BCL9: variants seen among roughly 807,000 people sequenced by gnomAD.
BCL9 encodes the protein B-cell CLL/lymphoma 9 protein.
In BCL9, 25 loss-of-function variants were observed where a neutral mutation model predicts 88.5. The ratio of observed to expected loss-of-function variants is 0.28; its 90% CI spans 0.21 to 0.39. BCL9 has a LOEUF of 0.39. Among genes scored for constraint, BCL9 ranks in the 10% least tolerant of loss-of-function variants. The pLI, the probability that BCL9 is intolerant of heterozygous loss-of-function variation, is 1.00. For synonymous variants in BCL9, 711 were observed against 673.3 expected, an observed-to-expected ratio of 1.06 and a Z score of -0.87; for missense variants, 1,817 against 1,877.8, an observed-to-expected ratio of 0.97 and a Z score of 0.60.
chr1:147,557,077 C>G (rs1655149529), intron 1 of BCL9, among the ~76,000 whole-genome samples: 1 of 152,134 alleles, frequency 6.6e-6, no homozygotes, highest in African/African-American at 2.4e-5. Context: ...AGAGACAGAT[C>G]TAGCAAATGA....
At chr1:147,567,623 A>G (rs782029720) in intron 1 of BCL9, among the ~76,000 whole-genome samples, 22 of 152,206 alleles carry the variant, frequency 1.4e-4, no homozygotes, top group Non-Finnish European at 2.6e-4. Flanking sequence ...TAAAGCATCA[A>G]ATTTGGCATG....
At position 147,618,902 on chromosome 1, in the gene BCL9, C is replaced by G. The variant is rs1553204295; in HGVS notation, c.747C>G (p.Ser249=). ...CGGCCAACCAGGACCAGAATTCTTCCCAGAATACCAGACTGCAGCCAACTC... is the reference window on the plus strand; with the variant it reads ...CGGCCAACCAGGACCAGAATTCTTCGCAGAATACCAGACTGCAGCCAACTC... ...PAPANQDQNS[S]QNTRLQPTPP... Residue 249 remains serine (S), a synonymous_variant, in exon 8 of 10, where the codon TCC becomes TCG. Coordinates refer to ENST00000234739, the MANE Select transcript of BCL9 (RefSeq NM_004326.4). The G allele has an allele frequency of 1.2e-6, 2 of 1,613,362 alleles. No individual in the cohort carries two copies. The highest frequency in any genetic ancestry group is 4.5e-5 in the East Asian group (2 of 44,874).
chr1:147,616,257 C>T (rs1658280387), intron 7 of BCL9, among the ~76,000 whole-genome samples: 1 of 152,008 alleles, frequency 6.6e-6, no homozygotes, highest in Non-Finnish European at 1.5e-5. Context: ...AGTTGAATAA[C>T]AAAGAAAGAA....
intron 1 of BCL9, among the ~76,000 whole-genome samples, chr1:147,578,109 G>A (rs1553198262): frequency 6.6e-6 from 1 of 152,112 alleles, no homozygotes; most frequent in East Asian, 1.9e-4. Flanking sequence ...TGCCATCACG[G>A]CATTTCCAAA....
chr1:147,595,523 A>G (rs1657006652), intron 1 of BCL9, among the ~76,000 whole-genome samples: 2 of 152,220 alleles, frequency 1.3e-5, no homozygotes, highest in Non-Finnish European at 2.9e-5. Flanking sequence ...AGTAGTAGAA[A>G]CATCCGGAAT....
At chr1:147,600,073 G>T (rs1248315609) in intron 1 of BCL9, 3 of 149,886 alleles carry the variant, frequency 2.0e-5, no homozygotes, top group Admixed American at 2.0e-4. Context: ...CTTTCGTGGC[G>T]CGGTGCGGCG....
intron 2 of BCL9, among the ~76,000 whole-genome samples, chr1:147,605,316 G>C (rs1553201847): frequency 6.6e-6 from 1 of 152,204 alleles, no homozygotes; most frequent in Non-Finnish European, 1.5e-5. Context: ...AGTGCCCTCA[G>C]AGAGTTCCGT....
At chr1:147,576,726 C>CTGA (rs1656128104) in intron 1 of BCL9, among the ~76,000 whole-genome samples, 2 of 152,134 alleles carry the variant, frequency 1.3e-5, no homozygotes, top group South Asian at 4.2e-4. Context: ...AGAAGCCAAG[C>CTGA]TGATAGGTTC....
At chr1:147,564,306 G>A (rs970724885) in intron 1 of BCL9, among the ~76,000 whole-genome samples, 1 of 151,756 alleles carries the variant, frequency 6.6e-6, no homozygotes, top group South Asian at 2.1e-4. Context: ...ATTCGGTCAG[G>A]GTTTGATTAT....
At chr1:147,581,176 G>A (rs1553198609) in intron 1 of BCL9, among the ~76,000 whole-genome samples, 1 of 152,096 alleles carries the variant, frequency 6.6e-6, no homozygotes, top group Non-Finnish European at 1.5e-5. Context: ...TATGACAATT[G>A]CTTAGATAAC....
At position 147,560,534 on chromosome 1, in the gene BCL9, G is replaced by A. The variant is rs1287418691; in HGVS notation, c.-478+18860G>A. Among the ~76,000 whole-genome samples, 4 of 151,018 alleles carry A rather than the reference G, an allele frequency of 2.6e-5. No individual in the cohort carries two copies. In the South Asian group the frequency reaches 6.3e-4, roughly 24 times the overall value. On this transcript the variant is annotated intron_variant, in intron 1 of 9. Transcript: ENST00000234739. The stretch of plus-strand genomic sequence containing the variant: ...AGGGTGGAGAATCGCTTGAACCCGA[G>A]AGGCGGAGGTTGCAGTGAGCCGAGA...
intron 1 of BCL9, among the ~76,000 whole-genome samples, chr1:147,556,808 G>A: frequency 6.6e-6 from 1 of 152,162 alleles, no homozygotes; most frequent in East Asian, 1.9e-4. Flanking sequence ...TTGGTCACTT[G>A]AGACAGCTCC....
chr1:147,568,191 G>T (rs1655696988), intron 1 of BCL9, among the ~76,000 whole-genome samples: 1 of 152,120 alleles, frequency 6.6e-6, no homozygotes, highest in Non-Finnish European at 1.5e-5. Flanking sequence ...CTCCCAATAG[G>T]CTGTCATAGG....
At chr1:147,571,612 T>G (rs1443253131) in intron 1 of BCL9, among the ~76,000 whole-genome samples, 2 of 152,090 alleles carry the variant, frequency 1.3e-5, no homozygotes, top group Non-Finnish European at 2.9e-5. Flanking sequence ...AGCACCCTTT[T>G]CCCTGTATCC....
intron 1 of BCL9, among the ~76,000 whole-genome samples, chr1:147,562,502 T>A (rs1408461852): frequency 6.6e-6 from 1 of 152,120 alleles, no homozygotes; most frequent in Non-Finnish European, 1.5e-5. Context: ...GTGCATGGGT[T>A]GGATTGCAGA....
rs966372245 is a variant in BCL9, at chr1:147,606,866, G to T, written c.-260G>T. 1.3e-5 allele frequency: 2 copies of T among 152,510 alleles called. No individual in the cohort carries two copies. The highest frequency in any genetic ancestry group is 2.9e-5 in the Non-Finnish European group (2 of 68,024). The allele number at this position is 152,510 out of a possible 1,614,324, so 9.4% of individuals were successfully genotyped here. A position where few individuals can be genotyped will look rare whatever the true frequency, so the allele number is the denominator to read the frequency against. ...GCAGTGTCGTGACCCTTGGGGTTTT[G>T]GTGAGTACACTGATGGCTGATAGCA... On this transcript the variant is annotated splice_region_variant and 5_prime_UTR_variant, in exon 3 of 10. Transcript: ENST00000234739.
Position 147,614,511 on chromosome 1 carries a change from G to C in BCL9, c.455G>C (p.Arg152Thr). 1.9e-6 allele frequency: 3 copies of C among 1,613,900 alleles called. No individual in the cohort carries two copies. The highest frequency in any genetic ancestry group is 2.5e-6 in the Non-Finnish European group (3 of 1,179,934). ...ACCCCATCAAATGCTACAGCCCCCA[G>C]GTCTTCTACCCCCTCCCATGGCCAA... The part of the protein sequence containing the change: ...SMTPSNATAP[R>T]SSTPSHGQTT... Residue 152 changes from arginine to threonine, a missense_variant, in exon 6 of 10, where the codon AGG becomes ACG. Physicochemically the swap from Arg to Thr is moderately conservative, Grantham distance 71. Transcript: ENST00000234739.
At position 147,571,782 on chromosome 1, in the gene BCL9, G is replaced by A. The variant is rs76699062; in HGVS notation, c.-478+30108G>A. Among the ~76,000 whole-genome samples, 466 of 152,282 alleles carry A rather than the reference G, an allele frequency of 3.1e-3. 1 individual carries two copies. Among genetic ancestry groups the A allele is most frequent in the African/African-American group, 0.011 (439 of 41,552 alleles). ...TCCTGCAGAGATAACACAGGAAGAG[G>A]AGAGAATATGTGCCTTCCCAGACCT... On this transcript the variant is annotated intron_variant, in intron 1 of 9. Transcript: ENST00000234739.
Position 147,625,002 on chromosome 1 carries a change from C to T in BCL9, c.*43C>T. 1 of 1,573,300 alleles carries T rather than the reference C, an allele frequency of 6.4e-7. No homozygotes were observed. The highest frequency in any genetic ancestry group is 8.7e-7 in the Non-Finnish European group (1 of 1,153,676). ...TGCCGATCCTTGTCAAGATGAGATTCCAGGTCCTGAGAGCTGCTTTGAGGG... is the reference window on the plus strand; with the variant it reads ...TGCCGATCCTTGTCAAGATGAGATTTCAGGTCCTGAGAGCTGCTTTGAGGG... On this transcript the variant is annotated 3_prime_UTR_variant, in exon 10 of 10. Transcript: ENST00000234739.
Sources: allele counts gnomAD v4.1 joint callset (sites outside exome capture counted in the v4.1 genomes callset), GRCh38; gene constraint gnomAD v4.1.1; transcripts MANE v1.5; gene names NCBI Gene and HGNC (gene_info 2026-07-23, HGNC 2026-07-21).